RBFOX1: variants seen among roughly 807,000 people sequenced by gnomAD.
RBFOX1 encodes RNA binding protein fox-1 homolog 1.
RBFOX1 carries 8 observed loss-of-function variants against 57.7 expected under a neutral mutation model. The ratio of observed to expected loss-of-function variants is 0.14; its 90% confidence interval spans 0.08 to 0.25. The LOEUF is 0.25. Among genes scored for constraint, RBFOX1 ranks in the 10% least tolerant of loss-of-function variants. The pLI, the probability that RBFOX1 is intolerant of heterozygous loss-of-function variation, is 1.00. For synonymous variants in RBFOX1, 326 were observed against 222.4 expected, an observed-to-expected ratio of 1.47 and a Z score of -4.15; for missense variants, 611 against 548.5, an observed-to-expected ratio of 1.11 and a Z score of -1.14.
intron 4 of RBFOX1, among the ~76,000 whole-genome samples, chr16:5,952,202 G>A (rs1331124832): frequency 6.6e-6 from 1 of 151,236 alleles, no homozygotes; most frequent in East Asian, 1.9e-4. Context: ...CCTGGCTGGA[G>A]TGCAGCAGTG....
chr16:6,735,795 C>T (rs1452642303), intron 3 of RBFOX1, among the ~76,000 whole-genome samples: 2 of 152,300 alleles, frequency 1.3e-5, no homozygotes. Context: ...TCCTCTCCCC[C>T]TGTGAAGAAC....
intron 2 of RBFOX1, among the ~76,000 whole-genome samples, chr16:6,498,586 T>G (rs1484327261): frequency 1.3e-5 from 2 of 152,104 alleles, no homozygotes; most frequent in African/African-American, 4.8e-5. Flanking sequence ...GCTATAAACT[T>G]CATGAAGACA....
At chr16:7,701,526 C>G (rs372320393) in intron 14 of RBFOX1, among the ~76,000 whole-genome samples, 25 of 152,278 alleles carry the variant, frequency 1.6e-4, no homozygotes, top group African/African-American at 5.5e-4. Flanking sequence ...TGAAACTATT[C>G]TCCACCTCCC....
intron 2 of RBFOX1, among the ~76,000 whole-genome samples, chr16:6,409,535 T>C (rs1042994879): frequency 6.6e-6 from 1 of 152,222 alleles, no homozygotes; most frequent in African/African-American, 2.4e-5. Context: ...TGTTCAATTG[T>C]ATGTTTTTTG....
At chr16:5,490,625 G>C (rs1435250106) in intron 2 of RBFOX1, among the ~76,000 whole-genome samples, 1 of 152,146 alleles carries the variant, frequency 6.6e-6, no homozygotes, top group East Asian at 1.9e-4. Flanking sequence ...CCCTGCCTTG[G>C]TTCCTCTGGG....
At position 6,402,991 on chromosome 16, in the gene RBFOX1, TTTTCTG is replaced by T. The variant is rs897879510; in HGVS notation, c.-64+85938_-64+85943del. Among the ~76,000 whole-genome samples the T allele has an allele frequency of 7.2e-5, 11 of 152,278 alleles. No homozygotes were observed. In the East Asian group the frequency reaches 2.1e-3, roughly 29 times the overall value. On this transcript the variant is annotated intron_variant, in intron 2 of 15. Coordinates refer to ENST00000550418, the MANE Select transcript of RBFOX1 (RefSeq NM_018723.4). ...ACCTTCAACCCTTGGCTTCTCAGTT[TTTTCTG>T]TTTATTGTTTTGTTTGTTGATGTAT...
chr16:6,833,794 A>G (rs1416973500), intron 3 of RBFOX1, among the ~76,000 whole-genome samples: 1 of 152,180 alleles, frequency 6.6e-6, no homozygotes, highest in Non-Finnish European at 1.5e-5. Flanking sequence ...AAGGACTAGC[A>G]TTGAGGTTGA....
intron 1 of RBFOX1, among the ~76,000 whole-genome samples, chr16:5,421,166 C>T (rs1159982250): frequency 6.6e-6 from 1 of 151,678 alleles, no homozygotes. Context: ...GCCACTACAC[C>T]TGGCTAATTT....
intron 4 of RBFOX1, among the ~76,000 whole-genome samples, chr16:7,065,763 G>A (rs895337883): frequency 6.6e-6 from 1 of 151,926 alleles, no homozygotes; most frequent in Non-Finnish European, 1.5e-5. Flanking sequence ...CATTCCTCCT[G>A]TCTAAGTGAA....
chr16:7,055,356 T>G (rs575894657), intron 4 of RBFOX1, among the ~76,000 whole-genome samples: 1 of 151,948 alleles, frequency 6.6e-6, no homozygotes, highest in Non-Finnish European at 1.5e-5. Context: ...AAGCTAAGAG[T>G]TATTTACAAA....
At position 5,454,850 on chromosome 16, in the gene RBFOX1, TTTCTTTTCTTTCTTTCTTTC is replaced by T. The variant is rs1330016837; in HGVS notation, c.220-12363_220-12344del. On this transcript the variant is annotated intron_variant, in intron 1 of 2. Coordinates refer to the RBFOX1 transcript ENST00000585867. ...TTCCTTGCTTTCTTTCCTTTCTTTC[TTTCTTTTCTTTCTTTCTTTC>T]TTTCTTTCTTTCTTTCTTTCTTTCT... Among the ~76,000 whole-genome samples the T allele has an allele frequency of 3.1e-3, 379 of 121,760 alleles. 5 individuals are homozygous for T. The highest frequency in any genetic ancestry group is 5.6e-3 in the African/African-American group (172 of 30,754). 79.9% of individuals were successfully genotyped at this position (121,760 alleles called of 152,430 possible). A position where few individuals can be genotyped will look rare whatever the true frequency, so the allele number is the denominator to read the frequency against.
intron 1 of RBFOX1, among the ~76,000 whole-genome samples, chr16:6,059,851 T>A (rs539988782): frequency 2.6e-5 from 4 of 152,142 alleles, no homozygotes; most frequent in African/African-American, 9.7e-5. Flanking sequence ...ATTCCAGGAA[T>A]AGAAAATGTA....
intron 2 of RBFOX1, among the ~76,000 whole-genome samples, chr16:6,536,646 A>G (rs2096739365): frequency 6.6e-6 from 1 of 152,184 alleles, no homozygotes; most frequent in Non-Finnish European, 1.5e-5. Flanking sequence ...TTCTTCAGCT[A>G]GTATGGCTTG....
chr16:7,022,174 C>A (rs547722115), intron 3 of RBFOX1, among the ~76,000 whole-genome samples: 142 of 149,972 alleles, frequency 9.5e-4, no homozygotes, highest in Non-Finnish European at 1.5e-3. Context: ...AATGATCCTC[C>A]CACCTCAGCC....
rs144454088 is a variant in RBFOX1, at chr16:6,617,660, G to A, written c.-63-36943G>A. 8.1e-3 allele frequency among the ~76,000 whole-genome samples: 1,237 copies of A among 152,186 alleles called. 15 individuals are homozygous for A. The highest frequency in any genetic ancestry group is 0.028 in the African/African-American group (1,181 of 41,536). ...AGGTGTCAGAGCCCATCACAGGCAG[G>A]GTTTTGACTCTCAGGGAGCCTGCAG... On this transcript the variant is annotated intron_variant, in intron 2 of 15. Coordinates refer to ENST00000550418, the MANE Select transcript of RBFOX1 (RefSeq NM_018723.4).
intron 4 of RBFOX1, among the ~76,000 whole-genome samples, chr16:7,257,492 C>T (rs74010604): frequency 0.077 from 11,769 of 152,178 alleles, 1,256 homozygotes; most frequent in African/African-American, 0.24. Context: ...CCATACCCCC[C>T]GGGTTTCACC....
chr16:5,915,250 C>G (rs1431178841), intron 4 of RBFOX1, among the ~76,000 whole-genome samples: 2 of 152,206 alleles, frequency 1.3e-5, no homozygotes, highest in Non-Finnish European at 2.9e-5. Context: ...ACTAATTTGA[C>G]TTCTGTCTTT....
chr16:7,044,382 A>G (rs1343974190), intron 3 of RBFOX1, among the ~76,000 whole-genome samples: 1 of 152,210 alleles, frequency 6.6e-6, no homozygotes, highest in Non-Finnish European at 1.5e-5. Flanking sequence ...AGAACTGATA[A>G]GAGAGAACTC....
chr16:5,967,336 T>C (rs2059866880), intron 4 of RBFOX1, among the ~76,000 whole-genome samples: 1 of 152,236 alleles, frequency 6.6e-6, no homozygotes, highest in Non-Finnish European at 1.5e-5. Context: ...TTGAGTTCTT[T>C]TGATAAGACT....
Sources: gnomAD v4.1 joint callset for allele counts (sites outside exome capture counted in the v4.1 genomes callset) on GRCh38, gnomAD v4.1.1 for gene constraint, MANE v1.5 for transcripts, NCBI Gene and HGNC (gene_info 2026-07-23, HGNC 2026-07-21) for gene names.